LCN2: variants seen among roughly 807,000 people sequenced by gnomAD.
LCN2 encodes the protein lipocalin 2, also known as neutrophil gelatinase-associated lipocalin.
LCN2 carries 27 observed loss-of-function variants against 26.4 expected under a neutral mutation model. The observed-to-expected ratio is 1.02, with a 90% CI of 0.76 to 1.41. The LOEUF (loss-of-function observed/expected upper bound fraction) is 1.41. Among genes scored for constraint, LCN2 ranks in the 40% most tolerant of loss-of-function variants. The probability of loss-of-function intolerance (pLI) is 0.00; values close to 1 mark genes in which losing one functional copy is unlikely to be tolerated. For missense variants in LCN2, 224 were observed against 237.6 expected (o/e 0.94, Z 0.38); for synonymous variants, 94 against 98.9 (o/e 0.95, Z 0.30).
Position 128,152,313 on chromosome 9 carries a change from G to A in LCN2, c.577+29G>A, listed in dbSNP as rs372807983. 6 of 1,577,680 alleles carry A rather than the reference G, an allele frequency of 3.8e-6. No individual in the cohort carries two copies. The East Asian group carries it at 1.1e-4, about 29-fold the overall frequency. Reference sequence around the variant, plus strand: ...ATGGCCAGTCTGGATGAGGGGACGGGGACATGGGGACTGTTCAGGCAGGAT... The same window carrying A: ...ATGGCCAGTCTGGATGAGGGGACGGAGACATGGGGACTGTTCAGGCAGGAT... On this transcript the variant is annotated intron_variant, in intron 5 of 6. Coordinates refer to ENST00000277480, the MANE Select transcript of LCN2 (RefSeq NM_005564.5).
At position 128,149,459 on chromosome 9, in the gene LCN2, C is replaced by T. The variant is rs908665895; in HGVS notation, c.-67C>T. On this transcript the variant is annotated 5_prime_UTR_variant, in exon 1 of 7. Transcript: ENST00000277480. ...CCACCCAGGTGAGCCTCTCACTCGC[C>T]ACCTCCTCTTCCACCCCTGCCAGGC... The T allele has an allele frequency of 6.7e-7, 1 of 1,486,964 alleles. No individual in the cohort carries two copies. Among genetic ancestry groups the T allele is most frequent in the African/African-American group, 1.4e-5 (1 of 70,942 alleles). 92.1% of individuals were successfully genotyped at this position (1,486,964 alleles called of 1,614,324 possible).
Position 128,153,029 on chromosome 9 carries a change from A to G in LCN2, c.578-71A>G. ...AGTGCAGAGGACCTGGCAGTCAGGG[A>G]TCACACACACACACTCATACACGCA... On this transcript the variant is annotated intron_variant, in intron 5 of 6. Transcript: ENST00000277480. This position sits in a 1 kb window ranked among gnomAD's most constrained non-coding sequence, Gnocchi z 5.4. 6.2e-7 allele frequency: 1 copy of G among 1,608,264 alleles called. No individual in the cohort carries two copies. Among genetic ancestry groups the G allele is most frequent in the Non-Finnish European group, 8.5e-7 (1 of 1,175,680 alleles).
intron 2 of LCN2, chr9:128,150,706 C>T (rs970850910): frequency 6.0e-6 from 3 of 502,416 alleles, no homozygotes; most frequent in African/African-American, 1.9e-5. Flanking sequence ...AAGAGCCAAC[C>T]TGCTTCAAAA....
rs570383840 is a variant in LCN2, at chr9:128,150,163, G to A, written c.139-75G>A. The A allele has an allele frequency of 4.5e-5, 70 of 1,553,198 alleles. 1 individual carries two copies. The South Asian group carries it at 8.0e-4, about 18-fold the overall frequency. ...TGGTTCCAAGCTGGGCGGCCCAGAG[G>A]TGCCACAGGGACAGAGCTGGAGGGG... On this transcript the variant is annotated intron_variant, in intron 1 of 6. Transcript: ENST00000277480.
In LCN2 at chr9:128,153,317, G is replaced by C; in HGVS notation, c.*14G>C. 1.5e-6 allele frequency: 1 copy of C among 663,336 alleles called. No homozygotes were observed. Among genetic ancestry groups the C allele is most frequent in the Non-Finnish European group, 2.6e-6 (1 of 377,416 alleles). 41.1% of individuals were successfully genotyped at this position (663,336 alleles called of 1,614,324 possible). On this transcript the variant is annotated 3_prime_UTR_variant, in exon 7 of 7. Coordinates refer to ENST00000277480, the MANE Select transcript of LCN2 (RefSeq NM_005564.5). The surrounding 1 kb of genome is among the most constrained non-coding windows in gnomAD (Gnocchi z 5.4). ...CATATCCACCTCTGTCCAGGGTGCC[G>C]CCAGCTGCCGCACCAGCCCGAACAC...
At chr9:128,151,843 G>A in intron 3 of LCN2, 63 bp from the exon 4 acceptor site, 3 of 1,607,954 alleles carry the variant, frequency 1.9e-6, no homozygotes, top group Non-Finnish European at 2.6e-6. Flanking sequence ...GGCTGGGGAG[G>A]GAGGGGACAG....
chr9:128,151,464 C>T (rs1371143982), intron 2 of LCN2, 174 bp from the exon 3 acceptor site: 2 of 642,838 alleles, frequency 3.1e-6, no homozygotes, highest in Non-Finnish European at 5.8e-6. Context: ...AGGCCCAGGC[C>T]CATCTCGGCT....
intron 2 of LCN2, 77 bp from the exon 3 acceptor site, chr9:128,151,561 T>A: frequency 8.7e-7 from 1 of 1,155,456 alleles, no homozygotes; most frequent in South Asian, 1.2e-5. Flanking sequence ...GCTGCTGCCC[T>A]GGCCCCACCT....
At chr9:128,150,101 C>CCCTGCTGCCCTGCTGG in intron 1 of LCN2, 137 bp from the exon 2 acceptor site, 2 of 1,145,732 alleles carry the variant, frequency 1.7e-6, no homozygotes, top group Non-Finnish European at 2.4e-6. Flanking sequence ...CCAGTGCAGG[C>CCCTGCTGCCCTGCTGG]CCAGCCTGGG....
rs908665895 is a variant in LCN2, at chr9:128,149,459, C to A, written c.-67C>A. 15 of 1,486,964 alleles carry A rather than the reference C, an allele frequency of 1.0e-5. No homozygotes were observed. The highest frequency in any genetic ancestry group is 1.3e-5 in the Non-Finnish European group (15 of 1,119,372). The allele number at this position is 1,486,964 out of a possible 1,614,324, so 92.1% of individuals were successfully genotyped here. On this transcript the variant is annotated 5_prime_UTR_variant, in exon 1 of 7. Transcript: ENST00000277480. ...CCACCCAGGTGAGCCTCTCACTCGC[C>A]ACCTCCTCTTCCACCCCTGCCAGGC...
rs1336925976 is a variant in LCN2, at chr9:128,150,225, C to T, written c.139-13C>T. 1.2e-6 allele frequency: 2 copies of T among 1,610,796 alleles called. No individual in the cohort carries two copies. Among genetic ancestry groups the T allele is most frequent in the Non-Finnish European group, 1.7e-6 (2 of 1,178,162 alleles). On this transcript the variant is annotated splice_polypyrimidine_tract_variant and intron_variant, in intron 1 of 6. Coordinates refer to ENST00000277480, the MANE Select transcript of LCN2 (RefSeq NM_005564.5). ...GCCATTCCTGGGTTGTGCCTCTTAT[C>T]AGTCCCTTGCAGTTCCAGGGGAAGT... is the stretch of plus-strand genomic sequence containing the variant.
intron 3 of LCN2, 69 bp from the exon 4 acceptor site, chr9:128,151,836 TG>T: frequency 6.3e-7 from 1 of 1,596,450 alleles, no homozygotes; most frequent in Non-Finnish European, 8.6e-7. Context: ...GTTGATGGGC[TG>T]GGGAGGGAGG....
At chr9:128,152,730 C>T (rs1829148905) in intron 5 of LCN2, among the ~76,000 whole-genome samples, 1 of 152,178 alleles carries the variant, frequency 6.6e-6, no homozygotes. Flanking sequence ...CTGTCCTTGA[C>T]TCCAGGGAGC....
chr9:128,152,410 C>G, intron 5 of LCN2, 126 bp downstream of exon 5: 1 of 812,078 alleles, frequency 1.2e-6, no homozygotes, highest in Non-Finnish European at 2.0e-6. Flanking sequence ...GTGGATGGTC[C>G]AGGAGCTCCT....
In LCN2 at chr9:128,151,648, T is replaced by C. The variant is rs1435333227; in HGVS notation, c.286T>C (p.Cys96Arg). Residue 96 changes from cysteine (C) to arginine (R), a missense_variant, in exon 3 of 7, where the codon TGT becomes CGT. Cys to Arg is a radical substitution (Grantham distance 180). Transcript: ENST00000277480. ...VTSVLFRKKK[C>R]DYWIRTFVPG... The stretch of plus-strand genomic sequence containing the variant: ...TCTCTCCCTCCCAAGGAAAAAGAAG[T>C]GTGACTACTGGATCAGGACTTTTGT... The C allele has an allele frequency of 3.7e-6, 6 of 1,613,846 alleles. No homozygotes were observed. The Admixed American group carries it at 8.3e-5, about 22-fold the overall frequency.
At position 128,153,307 on chromosome 9, in the gene LCN2, C is replaced by T; in HGVS notation, c.*8-4C>T. ...CCATCACCCTCATATCCACCTCTGT[C>T]CAGGGTGCCGCCAGCTGCCGCACCA... On this transcript the variant is annotated splice_region_variant and splice_polypyrimidine_tract_variant and intron_variant, in intron 6 of 6. Coordinates refer to ENST00000277480, the MANE Select transcript of LCN2 (RefSeq NM_005564.5). This position sits in a 1 kb window ranked among gnomAD's most constrained non-coding sequence, Gnocchi z 5.4. 1 of 718,358 alleles carries T rather than the reference C, an allele frequency of 1.4e-6. No individual in the cohort carries two copies. The highest frequency in any genetic ancestry group is 1.6e-5 in the South Asian group (1 of 60,764). 44.5% of individuals were successfully genotyped at this position (718,358 alleles called of 1,614,324 possible).
intron 5 of LCN2, 103 bp downstream of exon 5, chr9:128,152,387 A>G: frequency 9.9e-7 from 1 of 1,005,110 alleles, no homozygotes; most frequent in Non-Finnish European, 1.5e-6. Flanking sequence ...CCTCAGCTTC[A>G]GTCACTGGAG....
chr9:128,150,757 G>C (rs557801473), intron 2 of LCN2: 4 of 424,220 alleles, frequency 9.4e-6, no homozygotes, highest in Non-Finnish European at 1.9e-5. Context: ...GAGTCAGAGA[G>C]AGCCCCCCCT....
In LCN2 at chr9:128,152,176, G is replaced by A. The variant is rs879002982; in HGVS notation, c.476-7G>A. The A allele has an allele frequency of 6.2e-7, 1 of 1,614,026 alleles. No homozygotes were observed. Reference sequence around the variant, plus strand: ...TGCCAGCCACTCACTGGCCATCTTGGTCACAGGGAGAACCAAGGAGCTGAC... The same window carrying A: ...TGCCAGCCACTCACTGGCCATCTTGATCACAGGGAGAACCAAGGAGCTGAC... On this transcript the variant is annotated splice_region_variant and splice_polypyrimidine_tract_variant and intron_variant, in intron 4 of 6. Transcript: ENST00000277480.
Sources: allele counts gnomAD v4.1 joint callset (sites outside exome capture counted in the v4.1 genomes callset), GRCh38; gene constraint gnomAD v4.1.1; non-coding constraint Gnocchi (gnomAD v3.1); transcripts MANE v1.5; gene names NCBI Gene and HGNC (gene_info 2026-07-23, HGNC 2026-07-21).